Variants in DFFB observed in about 807,000 individuals in gnomAD.
The protein encoded by DFFB is DNA fragmentation factor subunit beta.
DFFB carries 29 observed loss-of-function variants against 32.7 expected under a neutral mutation model. That is an observed-to-expected ratio of 0.89 (90% CI 0.66 to 1.21). DFFB has a LOEUF of 1.21. Ranked by LOEUF, DFFB falls within the 50% of genes most tolerant of loss-of-function variation. The probability of loss-of-function intolerance (pLI) is 0.00; values close to 1 mark genes in which losing one functional copy is unlikely to be tolerated. For synonymous variants in DFFB, 170 were observed against 177.1 expected (o/e 0.96, Z 0.32); for missense variants, 398 against 440.6 (o/e 0.90, Z 0.87).
Position 3,876,371 on chromosome 1 carries a change from C to T in DFFB, c.782+3799C>T, listed in dbSNP as rs924404907. Among the ~76,000 whole-genome samples the T allele has an allele frequency of 1.8e-4, 28 of 152,176 alleles. 1 individual carries two copies. The highest frequency in any genetic ancestry group is 2.2e-4 in the Non-Finnish European group (15 of 68,034). The stretch of plus-strand genomic sequence containing the variant: ...CAGATGAAAATAGCAGAAGGGACAG[C>T]GTGAGTCAGAGGAATGTTTCACCAA... On this transcript the variant is annotated intron_variant, in intron 6 of 6. Transcript: ENST00000378209.
At chr1:3,858,985 G>A (rs1448956274) in intron 2 of DFFB, 141 bp downstream of exon 2, 4 of 1,269,786 alleles carry the variant, frequency 3.2e-6, no homozygotes, top group Non-Finnish European at 4.2e-6. Flanking sequence ...GCCCTCTGGA[G>A]GCAGAACTGG....
intron 2 of DFFB, 93 bp downstream of exon 2, chr1:3,858,937 G>A: frequency 6.5e-7 from 1 of 1,546,272 alleles, no homozygotes; most frequent in East Asian, 2.3e-5. Context: ...GTGGGGAAGA[G>A]TCCCCCTTAC....
In DFFB at chr1:3,858,569, C is replaced by G. The variant is rs572678329; in HGVS notation, c.115-149C>G. The stretch of plus-strand genomic sequence containing the variant: ...CCTTGCTCCCGCTCCCTCATCCTTG[C>G]CTGGGCGTTGGAGCGACTGTGGCAT... On this transcript the variant is annotated intron_variant, in intron 1 of 6. Coordinates refer to ENST00000378209, the MANE Select transcript of DFFB (RefSeq NM_004402.4). 4.1e-6 allele frequency: 4 copies of G among 975,900 alleles called. No homozygotes were observed. In the South Asian group the frequency reaches 6.5e-5, roughly 16 times the overall value. The allele number at this position is 975,900 out of a possible 1,614,324, so 60.5% of individuals were successfully genotyped here. A position where few individuals can be genotyped will look rare whatever the true frequency, so the allele number is the denominator to read the frequency against.
In DFFB at chr1:3,885,403, A is replaced by G. The variant is rs1454840199; in HGVS notation, c.*1662A>G. On this transcript the variant is annotated 3_prime_UTR_variant, in exon 7 of 7. Transcript: ENST00000378209. ...TTTACATTTGTTGTACAATCAGGAA[A>G]AGCAATAAAGATTTTTCAAAAATAG... The G allele has an allele frequency of 2.0e-5, 3 of 152,214 alleles. No homozygotes were observed. Among genetic ancestry groups the G allele is most frequent in the African/African-American group, 7.2e-5 (3 of 41,446 alleles). The allele number at this position is 152,214 out of a possible 1,614,324, so 9.4% of individuals were successfully genotyped here. A position where few individuals can be genotyped will look rare whatever the true frequency, so the allele number is the denominator to read the frequency against.
Position 3,869,596 on chromosome 1 carries a change from T to C in DFFB, c.511-9T>C. On this transcript the variant is annotated splice_polypyrimidine_tract_variant and intron_variant, in intron 4 of 6. Transcript: ENST00000378209. Reference sequence around the variant, plus strand: ...CACCAGGCTCACCGACGTTCCTTGGTTCCTCCAGGTGAGCTCCTACCCCTC... The same window carrying C: ...CACCAGGCTCACCGACGTTCCTTGGCTCCTCCAGGTGAGCTCCTACCCCTC... The C allele has an allele frequency of 1.9e-6, 3 of 1,597,214 alleles. No individual in the cohort carries two copies. Among genetic ancestry groups the C allele is most frequent in the Non-Finnish European group, 2.6e-6 (3 of 1,171,120 alleles).
chr1:3,872,177 G>C (rs1645127622), intron 5 of DFFB, among the ~76,000 whole-genome samples: 1 of 152,224 alleles, frequency 6.6e-6, no homozygotes, highest in Non-Finnish European at 1.5e-5. Context: ...CACTTTGGGA[G>C]GCCAAGGCGG....
intron 6 of DFFB, among the ~76,000 whole-genome samples, chr1:3,875,494 C>T (rs150661794): frequency 6.6e-6 from 1 of 152,190 alleles, no homozygotes; most frequent in East Asian, 1.9e-4. Context: ...CCTACACACT[C>T]GCCATCCGTG....
intron 5 of DFFB, 77 bp downstream of exon 5, chr1:3,869,852 GGACC>G (rs1179976133): frequency 6.9e-7 from 1 of 1,443,938 alleles, no homozygotes; most frequent in Non-Finnish European, 9.3e-7. Flanking sequence ...AGGCGGGTGG[GGACC>G]TTCAGCCCTT....
chr1:3,868,658 G>GGCCACACCACACCAGGCCAC (rs1645037353), intron 4 of DFFB, among the ~76,000 whole-genome samples: 1 of 5,136 alleles, frequency 1.9e-4, no homozygotes, highest in Non-Finnish European at 4.2e-4. Context: ...CACCACACCA[G>GGCCACACCACACCAGGCCAC]GCCACACCAC....
chr1:3,879,717 T>C (rs1012031218), intron 6 of DFFB, among the ~76,000 whole-genome samples: 4 of 152,120 alleles, frequency 2.6e-5, no homozygotes, highest in African/African-American at 9.7e-5. Flanking sequence ...ACTAAGACAC[T>C]CCTGTATTGT....
chr1:3,876,841 G>C (rs866038024), intron 6 of DFFB, among the ~76,000 whole-genome samples: 1 of 152,238 alleles, frequency 6.6e-6, no homozygotes, highest in Admixed American at 6.5e-5. Context: ...CTTCCCTCTC[G>C]GGCTGAAGGG....
chr1:3,874,122 C>T lies in DFFB; in HGVS notation c.782+1550C>T, dbSNP rs111297321. On this transcript the variant is annotated intron_variant, in intron 6 of 6. Transcript: ENST00000378209. Reference sequence around the variant, plus strand: ...TGGCCCACGCTGTCATCTGCAGAGCCGTGTAGCTGCACCTTTACCACACGC... The same window carrying T: ...TGGCCCACGCTGTCATCTGCAGAGCTGTGTAGCTGCACCTTTACCACACGC... Among the ~76,000 whole-genome samples the T allele has an allele frequency of 7.9e-3, 1,204 of 151,670 alleles. 21 individuals are homozygous for T. Among genetic ancestry groups the T allele is most frequent in the African/African-American group, 0.027 (1,116 of 40,944 alleles).
Position 3,883,631 on chromosome 1 carries a change from C to T in DFFB, c.907C>T (p.His303Tyr). The change falls in exon 7 of 7, where the codon CAC (histidine) becomes TAC (tyrosine). Residue 303 changes from histidine (H) to tyrosine (Y), a missense_variant. Physicochemically the swap from His to Tyr is moderately conservative, Grantham distance 83. Coordinates refer to ENST00000378209, the MANE Select transcript of DFFB (RefSeq NM_004402.4). ...LFTSENLKLV[H>Y]IVCHKKTTHK... ...TACCTCAGAGAACCTAAAACTAGTGCACATTGTCTGCCATAAGAAAACCAC... is the reference window on the plus strand; with the variant it reads ...TACCTCAGAGAACCTAAAACTAGTGTACATTGTCTGCCATAAGAAAACCAC... The T allele has an allele frequency of 3.7e-6, 6 of 1,614,070 alleles. No homozygotes were observed. The highest frequency in any genetic ancestry group is 1.1e-5 in the South Asian group (1 of 91,076).
At chr1:3,869,796 C>G (rs751120520) in intron 5 of DFFB, 21 bp downstream of exon 5, 4 of 1,575,152 alleles carry the variant, frequency 2.5e-6, no homozygotes, top group Middle Eastern at 1.7e-4. Flanking sequence ...TGCCCTTTAT[C>G]CTGGGGCCAC....
chr1:3,878,914 G>A (rs1488832345), intron 6 of DFFB, among the ~76,000 whole-genome samples: 2 of 152,164 alleles, frequency 1.3e-5, no homozygotes, highest in African/African-American at 4.8e-5. Flanking sequence ...TCTTCCACGA[G>A]TGGCTGTGAG....
intron 4 of DFFB, among the ~76,000 whole-genome samples, 187 bp downstream of exon 4, chr1:3,868,240 G>T (rs1052218967): frequency 2.0e-5 from 3 of 152,120 alleles, no homozygotes; most frequent in Admixed American, 6.5e-5. Flanking sequence ...CTTCATGGGG[G>T]TGAACACCCA....
At chr1:3,872,965 T>C in intron 6 of DFFB, 1 of 1,244,772 alleles carries the variant, frequency 8.0e-7, no homozygotes, top group Non-Finnish European at 1.0e-6. Flanking sequence ...CGGGAGCTCC[T>C]GGTGTTATGA....
In DFFB at chr1:3,869,777, T is replaced by G. The variant is rs1371946712; in HGVS notation, c.681+2T>G. On this transcript the variant is annotated splice_donor_variant, in intron 5 of 6. Transcript: ENST00000378209. LOFTEE classifies it high-confidence loss of function. ...CCGGAAGGCTGGTTCTCCTGCCAGG[T>G]GAGCTGTGTGCCCTTTATCCTGGGG... The G allele has an allele frequency of 6.3e-7, 1 of 1,599,626 alleles. No individual in the cohort carries two copies. The highest frequency in any genetic ancestry group is 1.1e-5 in the South Asian group (1 of 90,218).
intron 2 of DFFB, 115 bp downstream of exon 2, chr1:3,858,959 G>T: frequency 6.9e-7 from 1 of 1,450,060 alleles, no homozygotes; most frequent in South Asian, 1.3e-5. Context: ...GTGAACTCTC[G>T]GGTCTCAAGG....
Sources: gnomAD v4.1 joint callset for allele counts (sites outside exome capture counted in the v4.1 genomes callset) on GRCh38, gnomAD v4.1.1 for gene constraint, MANE v1.5 for transcripts, NCBI Gene and HGNC (gene_info 2026-07-23, HGNC 2026-07-21) for gene names.